The following EFEMP2 variants were observed in gnomAD, a reference collection of about 807,000 sequenced individuals.
EFEMP2 encodes EGF-like fibulin extracellular matrix protein 2, also known as EGF-containing fibulin-like extracellular matrix protein 2.
A neutral mutation model predicts 55.3 loss-of-function variants in EFEMP2; 21 were observed. That is an observed-to-expected ratio of 0.38 (90% CI 0.27 to 0.55). The LOEUF is 0.55. Among genes scored for constraint, EFEMP2 ranks in the 20% least tolerant of loss-of-function variants. The pLI is 0.77. For synonymous variants in EFEMP2, 275 were observed against 242.3 expected (o/e 1.14, Z -1.25); for missense variants, 513 against 615.1 (o/e 0.83, Z 1.76).
chr11:65,869,727 C>T, intron 7 of EFEMP2, 130 bp downstream of exon 7: 1 of 1,447,292 alleles, frequency 6.9e-7, no homozygotes, highest in Non-Finnish European at 9.6e-7. Context: ...GGGTCGAGTA[C>T]CCAGGAGGCA....
At position 65,869,884 on chromosome 11, in the gene EFEMP2, G is replaced by A; in HGVS notation, c.700C>T (p.Leu234=). 1.9e-6 allele frequency: 3 copies of A among 1,614,090 alleles called. No individual in the cohort carries two copies. The highest frequency in any genetic ancestry group is 2.5e-6 in the Non-Finnish European group (3 of 1,180,016). ...CTGCAGGAGAAGCCATCCCGATGCA[G>A]CTCATAGCCCTGGTGGCAGCGACAC... ...FLCRCHQGYE[L]HRDGFSCSDI... Residue 234 remains leucine, a synonymous_variant, in exon 7 of 11, where the codon CTG becomes TTG. Transcript: ENST00000307998.
At chr11:65,867,234 C>A in intron 10 of EFEMP2, 155 bp from the exon 11 acceptor site, 1 of 799,654 alleles carries the variant, frequency 1.3e-6, no homozygotes. Context: ...TTGACACCCT[C>A]GATGTCTCTC....
intron 7 of EFEMP2, chr11:65,868,961 C>T (rs539667810): frequency 1.9e-5 from 7 of 374,464 alleles, no homozygotes; most frequent in East Asian, 6.6e-5. Context: ...CTAGATGAGT[C>T]TTATGGGTCT....
At chr11:65,872,531 T>C in intron 1 of EFEMP2, 152 bp downstream of exon 1, 1 of 514,138 alleles carries the variant, frequency 1.9e-6, no homozygotes, top group Non-Finnish European at 3.4e-6. Flanking sequence ...CAGGCCCGGG[T>C]CCCAGGCCCA....
Position 65,869,619 on chromosome 11 carries a change from C to T in EFEMP2, c.727+238G>A, listed in dbSNP as rs1565273579. 7 of 580,908 alleles carry T rather than the reference C, an allele frequency of 1.2e-5. No homozygotes were observed. The East Asian group carries it at 2.1e-4, about 18-fold the overall frequency. The allele number at this position is 580,908 out of a possible 1,614,324, so 36.0% of individuals were successfully genotyped here. The stretch of plus-strand genomic sequence containing the variant: ...TGAGCCTGATATGTGGGACAGGTGG[C>T]ACCCACATCCTCAGTCTCACCAGTA... On this transcript the variant is annotated intron_variant, in intron 7 of 10. Coordinates refer to ENST00000307998, the MANE Select transcript of EFEMP2 (RefSeq NM_016938.5).
Position 65,870,537 on chromosome 11 carries a change from C to T in EFEMP2, c.489G>A (p.Val163=). 1 of 1,613,934 alleles carries T rather than the reference C, an allele frequency of 6.2e-7. No individual in the cohort carries two copies. The change falls in exon 5 of 11, where the codon GTG becomes GTA. Residue 163 remains valine (V), a splice_region_variant and synonymous_variant. Coordinates refer to ENST00000307998, the MANE Select transcript of EFEMP2 (RefSeq NM_016938.5). ...ACAGAAGCTGCTTCCTGGACTCACC[C>T]ACACACTCGGGCCCGATCTTGCGGT... The part of the protein sequence containing the change: ...DGYRKIGPEC[V]DIDECRYRYC...
chr11:65,871,417 G>A, intron 3 of EFEMP2, 54 bp from the exon 4 acceptor site: 3 of 1,564,186 alleles, frequency 1.9e-6, no homozygotes, highest in Non-Finnish European at 1.8e-6. Flanking sequence ...GCCCTGGAGG[G>A]AGCGGAGGCA....
intron 2 of EFEMP2, 99 bp downstream of exon 2, chr11:65,872,145 G>C: frequency 1.3e-6 from 2 of 1,497,796 alleles, no homozygotes; most frequent in Non-Finnish European, 1.8e-6. Flanking sequence ...CTCTCCACCA[G>C]CCAGGGGAGG....
At position 65,868,223 on chromosome 11, in the gene EFEMP2, T is replaced by C. The variant is rs1859896837; in HGVS notation, c.974+72A>G. 8 of 1,603,576 alleles carry C rather than the reference T, an allele frequency of 5.0e-6. No homozygotes were observed. The Admixed American group carries it at 6.8e-5, about 14-fold the overall frequency. ...CCTCAGGGGCACTCGCTGGTCTGAA[T>C]AGATGCCAGTCAGCCCCAAAGCCCC... On this transcript the variant is annotated intron_variant, in intron 9 of 10. Transcript: ENST00000307998.
intron 7 of EFEMP2, chr11:65,869,217 G>C (rs1859920814): frequency 5.2e-6 from 1 of 193,666 alleles, no homozygotes; most frequent in Non-Finnish European, 1.1e-5. Context: ...TATGAGCTTG[G>C]GCGGGTCACT....
At chr11:65,867,733 A>T in intron 10 of EFEMP2, 128 bp downstream of exon 10, 1 of 1,017,762 alleles carries the variant, frequency 9.8e-7, no homozygotes. Flanking sequence ...TCCTGCAGAA[A>T]CCCCGCCTCC....
In EFEMP2 at chr11:65,870,324, AC is replaced by A; in HGVS notation, c.491-88del. On this transcript the variant is annotated intron_variant, in intron 5 of 10. Transcript: ENST00000307998. ...GCCGGCTGGGACTCAAGGCTTCACCACCCATAATCCTGTGTCCGAGGAGCTG... is the reference window on the plus strand; with the variant it reads ...GCCGGCTGGGACTCAAGGCTTCACCACCATAATCCTGTGTCCGAGGAGCTG... The A allele has an allele frequency of 2.1e-6, 3 of 1,457,508 alleles. No homozygotes were observed. In the Admixed American group the frequency reaches 5.0e-5, roughly 24 times the overall value. 90.3% of individuals were successfully genotyped at this position (1,457,508 alleles called of 1,614,324 possible).
intron 4 of EFEMP2, 104 bp downstream of exon 4, chr11:65,871,053 G>A (rs917766100): frequency 1.5e-6 from 2 of 1,328,872 alleles, no homozygotes; most frequent in African/African-American, 2.9e-5. Flanking sequence ...TGAGGGTGTG[G>A]ACATCACCAG....
intron 10 of EFEMP2, 137 bp downstream of exon 10, chr11:65,867,724 C>G: frequency 1.1e-6 from 1 of 913,494 alleles, no homozygotes; most frequent in Non-Finnish European, 1.7e-6. Flanking sequence ...CCCCCGTCTT[C>G]CTGCAGAAAC....
At chr11:65,868,873 C>T (rs2134748718) in intron 7 of EFEMP2, 2 of 527,994 alleles carry the variant, frequency 3.8e-6, no homozygotes, top group Non-Finnish European at 6.8e-6. Flanking sequence ...TACTGGGAAT[C>T]TAGAGGCTTG....
intron 7 of EFEMP2, chr11:65,868,986 C>T (rs1218758199): frequency 6.1e-6 from 2 of 327,698 alleles, no homozygotes; most frequent in East Asian, 8.2e-5. Flanking sequence ...TGTGCTGTAA[C>T]GCCCAATTCC....
Position 65,869,546 on chromosome 11 carries a change from G to A in EFEMP2, c.727+311C>T, listed in dbSNP as rs1425094146. On this transcript the variant is annotated intron_variant, in intron 7 of 10. Coordinates refer to ENST00000307998, the MANE Select transcript of EFEMP2 (RefSeq NM_016938.5). ...TTATAGAAGAAGAAACAGGCTCAGA[G>A]AGGAGTGACTTGTCCTAGTGCAAAA... The A allele has an allele frequency of 1.7e-5, 7 of 417,912 alleles. No homozygotes were observed. In the East Asian group the frequency reaches 2.1e-4, roughly 12 times the overall value. The allele number at this position is 417,912 out of a possible 1,614,324, so 25.9% of individuals were successfully genotyped here.
chr11:65,868,777 G>T, intron 7 of EFEMP2, 148 bp from the exon 8 acceptor site: 1 of 1,151,604 alleles, frequency 8.7e-7, no homozygotes, highest in Non-Finnish European at 1.3e-6. Flanking sequence ...TCAGCCGGGA[G>T]ATGGAGGGTT....
Position 65,870,557 on chromosome 11 carries a change from T to TG in EFEMP2, c.468dup (p.Lys157GlnfsTer41). 1 of 1,613,838 alleles carries TG rather than the reference T, an allele frequency of 6.2e-7. No individual in the cohort carries two copies. Among genetic ancestry groups the TG allele is most frequent in the Non-Finnish European group, 8.5e-7 (1 of 1,179,928 alleles). On this transcript the variant is annotated frameshift_variant, in exon 5 of 11. Transcript: ENST00000307998. LOFTEE classifies it high-confidence loss of function. ...TCACCCACACACTCGGGCCCGATCT[T>TG]GCGGTAACCATCAGGGCAGGTGCAC...
Sources: gnomAD v4.1 joint callset for allele counts on GRCh38, gnomAD v4.1.1 for gene constraint, MANE v1.5 for transcripts, NCBI Gene and HGNC (gene_info 2026-07-23, HGNC 2026-07-21) for gene names.